Variants in RTEL1 observed in about 807,000 individuals in gnomAD.
RTEL1 encodes regulator of telomere length.
Under a neutral mutation model 162.2 loss-of-function variants are expected in RTEL1, and 86 were observed. That is an observed-to-expected ratio of 0.53 (90% CI 0.45 to 0.63). The LOEUF (loss-of-function observed/expected upper bound fraction) is 0.63. Among genes scored for constraint, RTEL1 ranks in the 30% least tolerant of loss-of-function variants. The pLI, the probability that RTEL1 is intolerant of heterozygous loss-of-function variation, is 0.00. For synonymous variants in RTEL1, 958 were observed against 717.9 expected (o/e 1.33, Z -5.35); for missense variants, 1,941 against 1,750.2 (o/e 1.11, Z -1.95).
Position 63,661,635 on chromosome 20 carries a change from AT to A in RTEL1, c.301+142del. The stretch of plus-strand genomic sequence containing the variant: ...AGGAGAATTTTTTAGCTGCTGTATA[AT>A]TTCTCGCCATCGTGGGTGTAAACCT... On this transcript the variant is annotated intron_variant, in intron 3 of 34. Transcript: ENST00000360203. The surrounding 1 kb of genome is among the most constrained non-coding windows in gnomAD (Gnocchi z 5.1). 9.8e-7 allele frequency: 1 copy of A among 1,017,686 alleles called. No individual in the cohort carries two copies. Among genetic ancestry groups the A allele is most frequent in the Non-Finnish European group, 1.4e-6 (1 of 704,186 alleles). 63.0% of individuals were successfully genotyped at this position (1,017,686 alleles called of 1,614,324 possible).
At chr20:63,660,549 G>T (rs952414613) in intron 2 of RTEL1, 1 of 152,376 alleles carries the variant, frequency 6.6e-6, no homozygotes, top group East Asian at 1.9e-4. Context: ...CAAGGCTGGG[G>T]CAAAGTTACA....
intron 8 of RTEL1, among the ~76,000 whole-genome samples, chr20:63,671,917 T>A (rs553221598): frequency 1.4e-4 from 21 of 152,100 alleles, no homozygotes; most frequent in Non-Finnish European, 2.4e-4. Context: ...GAAGTCTCAC[T>A]CTGTCGCCTA....
intron 6 of RTEL1, among the ~76,000 whole-genome samples, chr20:63,664,424 C>CGCTGGGCCTGGTACCTGGTGGGGAT (rs1207906783): frequency 1.3e-5 from 2 of 151,580 alleles, no homozygotes; most frequent in Admixed American, 6.6e-5. Context: ...CTGGTGGGGA[C>CGCTGGGCCTGGTACCTGGTGGGGAT]GCTGGGCCTG....
chr20:63,672,524 C>T (rs1227795184), intron 8 of RTEL1, 32 bp from the exon 9 acceptor site: 5 of 1,538,722 alleles, frequency 3.2e-6, no homozygotes, highest in South Asian at 1.2e-5. Context: ...TCTGTGAGCT[C>T]CAGCGCTGCG....
In RTEL1 at chr20:63,679,840, C is replaced by T; in HGVS notation, c.1038-9C>T. 1 of 1,607,536 alleles carries T rather than the reference C, an allele frequency of 6.2e-7. No homozygotes were observed. The highest frequency in any genetic ancestry group is 8.5e-7 in the Non-Finnish European group (1 of 1,178,546). On this transcript the variant is annotated splice_polypyrimidine_tract_variant and intron_variant, in intron 12 of 34. Coordinates refer to ENST00000360203, the MANE Select transcript of RTEL1 (RefSeq NM_001283009.2). Reference sequence around the variant, plus strand: ...GCCAGGCTCGAGCCTGCCTTCTTCTCCTCGGCAGCTACATCTTTGAGCTGT... The same window carrying T: ...GCCAGGCTCGAGCCTGCCTTCTTCTTCTCGGCAGCTACATCTTTGAGCTGT...
chr20:63,685,778 C>T lies in RTEL1; in HGVS notation c.1267-13C>T. On this transcript the variant is annotated splice_polypyrimidine_tract_variant and intron_variant, in intron 15 of 34. Coordinates refer to ENST00000360203, the MANE Select transcript of RTEL1 (RefSeq NM_001283009.2). ...GGGCGGGGCCTCCACACTCCTGGTC[C>T]TGTCCCCTCCAGGTGCACATCCATC... The T allele has an allele frequency of 6.2e-7, 1 of 1,610,610 alleles. No individual in the cohort carries two copies. The highest frequency in any genetic ancestry group is 8.5e-7 in the Non-Finnish European group (1 of 1,178,952).
chr20:63,659,600 C>T (rs1195860340), intron 2 of RTEL1, 96 bp downstream of exon 2: 5 of 927,490 alleles, frequency 5.4e-6, no homozygotes, highest in Non-Finnish European at 8.8e-6. Context: ...AGCCAGGCCC[C>T]TCCGGGCCAG....
intron 14 of RTEL1, chr20:63,680,974 T>TG: frequency 1.0e-6 from 1 of 985,172 alleles, no homozygotes; most frequent in Non-Finnish European, 1.2e-6. Flanking sequence ...CAAAGGACAG[T>TG]GGGGGCCGGG....
rs779050514 is a variant in RTEL1 at position 63,688,049 on chromosome 20, C to G, written c.1594C>G (p.Arg532Gly). Residue 532 changes from arginine (R) to glycine (G), a missense_variant and splice_region_variant, in exon 18 of 35, where the codon CGG (arginine) becomes GGG (glycine). Physicochemically the swap from Arg to Gly is moderately radical, Grantham distance 125. Coordinates refer to ENST00000360203, the MANE Select transcript of RTEL1 (RefSeq NM_001283009.2). ...GAQLSSAFDRRFSEECLSSLG... is the reference protein window; with the variant it reads ...GAQLSSAFDRGFSEECLSSLG... ...CCAGTTGAGCTCCGCGTTTGACAGACGGTGAGGGCCTGTCCCTGGGCCCTG... is the reference window on the plus strand; with the variant it reads ...CCAGTTGAGCTCCGCGTTTGACAGAGGGTGAGGGCCTGTCCCTGGGCCCTG... 6.2e-7 allele frequency: 1 copy of G among 1,612,600 alleles called. No homozygotes were observed. Among genetic ancestry groups the G allele is most frequent in the Non-Finnish European group, 8.5e-7 (1 of 1,179,852 alleles).
intron 30 of RTEL1, among the ~76,000 whole-genome samples, chr20:63,693,920 G>T (rs1476983767): frequency 6.6e-6 from 1 of 150,724 alleles, no homozygotes; most frequent in Non-Finnish European, 1.5e-5. Flanking sequence ...CACACGCCAG[G>T]GTCCTAGGGT....
rs781077567 is a variant in RTEL1 at position 63,685,540 on chromosome 20, C to T, written c.1209C>T (p.Asp403=). 9.3e-6 allele frequency: 15 copies of T among 1,612,376 alleles called. No individual in the cohort carries two copies. Among genetic ancestry groups the T allele is most frequent in the African/African-American group, 1.3e-5 (1 of 74,758 alleles). ...ADIIQIVFSV[D]PSEGSPGSPA... ...CCTTTCAGATTGTGTTCAGTGTGGACCCCTCCGAGGGCAGCCCTGGTTCCC... is the reference window on the plus strand; with the variant it reads ...CCTTTCAGATTGTGTTCAGTGTGGATCCCTCCGAGGGCAGCCCTGGTTCCC... The change falls in exon 15 of 35, where the codon GAC becomes GAT. Residue 403 remains aspartate, a synonymous_variant. Transcript: ENST00000360203.
At chr20:63,685,464 C>T (rs2090571553) in intron 14 of RTEL1, 59 bp from the exon 15 acceptor site, 1 of 1,549,288 alleles carries the variant, frequency 6.5e-7, no homozygotes, top group South Asian at 1.2e-5. Flanking sequence ...GCGGCTGATG[C>T]TGCAGAAAGT....
At chr20:63,690,251 A>G in intron 25 of RTEL1, 41 bp downstream of exon 25, 2 of 1,604,330 alleles carry the variant, frequency 1.2e-6, no homozygotes, top group Non-Finnish European at 1.7e-6. Flanking sequence ...TGTTGTCCCC[A>G]GAGGAGCCAG....
At position 63,668,972 on chromosome 20, in the gene RTEL1, C is replaced by A. The variant is rs2090194792; in HGVS notation, c.699+1419C>A. On this transcript the variant is annotated intron_variant, in intron 8 of 34. Transcript: ENST00000360203. This position sits in a 1 kb window ranked among gnomAD's most constrained non-coding sequence, Gnocchi z 4.3. ...GAGAAGGCAGCAAGCTCAAGCTGACCCACACGCATGTGGTCATTGTTTTTT... is the reference window on the plus strand; with the variant it reads ...GAGAAGGCAGCAAGCTCAAGCTGACACACACGCATGTGGTCATTGTTTTTT... Among the ~76,000 whole-genome samples, 1 of 152,150 alleles carries A rather than the reference C, an allele frequency of 6.6e-6. No homozygotes were observed. The highest frequency in any genetic ancestry group is 2.4e-5 in the African/African-American group (1 of 41,440).
intron 2 of RTEL1, among the ~76,000 whole-genome samples, chr20:63,659,928 GAGA>G (rs1014749813): frequency 8.5e-5 from 13 of 152,202 alleles, no homozygotes; most frequent in African/African-American, 2.9e-4. Flanking sequence ...TGATAGTGGG[GAGA>G]AGGTCAGCAA....
intron 2 of RTEL1, 40 bp downstream of exon 2, chr20:63,659,544 GA>G: frequency 1.4e-6 from 2 of 1,472,740 alleles, no homozygotes; most frequent in Non-Finnish European, 1.9e-6. Context: ...CGGGTGGGTG[GA>G]GCTTCAGCCA....
intron 30 of RTEL1, among the ~76,000 whole-genome samples, chr20:63,693,633 A>ACCT (rs2090871535): frequency 2.6e-4 from 13 of 49,274 alleles, no homozygotes; most frequent in Non-Finnish European, 3.9e-4. Flanking sequence ...CACCACCTCC[A>ACCT]CCACCACCAC....
Position 63,661,327 on chromosome 20 carries a change from G to C in RTEL1, c.132G>C (p.Thr44=), listed in dbSNP as rs377454469. 6.2e-7 allele frequency: 1 copy of C among 1,612,706 alleles called. No homozygotes were observed. The highest frequency in any genetic ancestry group is 8.5e-7 in the Non-Finnish European group (1 of 1,180,034). Residue 44 remains threonine (T), a synonymous_variant, in exon 3 of 35, where the codon ACG becomes ACC. Coordinates refer to ENST00000360203, the MANE Select transcript of RTEL1 (RefSeq NM_001283009.2). This position sits in a 1 kb window ranked among gnomAD's most constrained non-coding sequence, Gnocchi z 5.1. Reference sequence around the variant, plus strand: ...TGAATGGCATCCTGGAGAGCCCTACGGGTACAGGGAAGACGCTGTGCCTGC... The same window carrying C: ...TGAATGGCATCCTGGAGAGCCCTACCGGTACAGGGAAGACGCTGTGCCTGC... The part of the protein sequence containing the change: ...QKVNGILESP[T]GTGKTLCLLC...
At chr20:63,664,819 TC>T (rs1569082786) in intron 6 of RTEL1, among the ~76,000 whole-genome samples, 1 of 152,214 alleles carries the variant, frequency 6.6e-6, no homozygotes, top group Non-Finnish European at 1.5e-5. Flanking sequence ...CTGGCACCCT[TC>T]CTGGCCTGCG....
Sources: allele counts gnomAD v4.1 joint callset (sites outside exome capture counted in the v4.1 genomes callset), GRCh38; gene constraint gnomAD v4.1.1; non-coding constraint Gnocchi (gnomAD v3.1); transcripts MANE v1.5; gene names NCBI Gene and HGNC (gene_info 2026-07-23, HGNC 2026-07-21).